The following SLC44A2 variants were observed in gnomAD, a reference collection of about 807,000 sequenced individuals.
SLC44A2 encodes the protein choline transporter-like protein 2.
A neutral mutation model predicts 90.8 loss-of-function variants in SLC44A2; 57 were observed. The ratio of observed to expected loss-of-function variants is 0.63; its 90% CI spans 0.51 to 0.78. The LOEUF (loss-of-function observed/expected upper bound fraction) is 0.78, where lower values mean the gene tolerates loss of function less well. Ranked by LOEUF, SLC44A2 falls within the 30% of genes least tolerant of loss-of-function variation. The pLI, the probability that SLC44A2 is intolerant of heterozygous loss-of-function variation, is 0.00. For missense variants in SLC44A2, 794 were observed against 919.7 expected (o/e 0.86, Z 1.77); for synonymous variants, 355 against 360.7 (o/e 0.98, Z 0.18).
Position 10,643,642 on chromosome 19 carries a change from G to A in SLC44A2, c.*257G>A, listed in dbSNP as rs906018208. ...TAAAAACCCATTGGGGCCTCTTGAT[G>A]TCTGGGATGGCACGTGGCCCGACCT... On this transcript the variant is annotated 3_prime_UTR_variant, in exon 22 of 22. Coordinates refer to ENST00000335757, the MANE Select transcript of SLC44A2 (RefSeq NM_020428.4). 3.0e-6 allele frequency: 1 copy of A among 334,506 alleles called. No homozygotes were observed. The highest frequency in any genetic ancestry group is 5.6e-6 in the Non-Finnish European group (1 of 179,482). 20.7% of individuals were successfully genotyped at this position (334,506 alleles called of 1,614,324 possible). A position where few individuals can be genotyped will look rare whatever the true frequency, so the allele number is the denominator to read the frequency against.
Position 10,628,107 on chromosome 19 carries a change from G to C in SLC44A2, c.245+103G>C. The stretch of plus-strand genomic sequence containing the variant: ...TCCAGTTAACAAGTGCTTATAGGCT[G>C]GGCGCGGTGACTCACGCCCGAAATT... On this transcript the variant is annotated intron_variant, in intron 4 of 21. Transcript: ENST00000335757. 6.4e-6 allele frequency: 7 copies of C among 1,087,300 alleles called. 1 individual carries two copies. In the South Asian group the frequency reaches 9.7e-5, roughly 15 times the overall value. 67.4% of individuals were successfully genotyped at this position (1,087,300 alleles called of 1,614,324 possible).
Position 10,635,661 on chromosome 19 carries a change from G to A in SLC44A2, c.1233+146G>A, listed in dbSNP as rs1347449710. On this transcript the variant is annotated intron_variant, in intron 14 of 21. Transcript: ENST00000335757. ...AGGTGTGGGGGAGGACGCACAGTGG[G>A]GAAGAGACTCTCTAACTGGATCGAA... The A allele has an allele frequency of 5.7e-6, 4 of 703,798 alleles. No homozygotes were observed. The African/African-American group carries it at 7.1e-5, about 13-fold the overall frequency. The allele number at this position is 703,798 out of a possible 1,614,324, so 43.6% of individuals were successfully genotyped here.
intron 1 of SLC44A2, among the ~76,000 whole-genome samples, chr19:10,607,392 C>A (rs1918140602): frequency 6.6e-6 from 1 of 152,034 alleles, no homozygotes; most frequent in African/African-American, 2.4e-5. Context: ...GTCACCCAGG[C>A]TGGGCTAGAG....
Position 10,636,680 on chromosome 19 carries a change from G to A in SLC44A2, c.1515G>A (p.Leu505=). 1 of 1,613,602 alleles carries A rather than the reference G, an allele frequency of 6.2e-7. No individual in the cohort carries two copies. Among genetic ancestry groups the A allele is most frequent in the African/African-American group, 1.3e-5 (1 of 74,930 alleles). The change falls in exon 16 of 22, where the codon CTG becomes CTA. Residue 505 remains leucine (L), a synonymous_variant. Transcript: ENST00000335757. ...GRALRYHTGS[L]AFGALILAIV... is the part of the protein sequence containing the mutation. Reference sequence around the variant, plus strand: ...CCCGCAGGTACCACACAGGCTCCCTGGCCTTTGGCGCGCTCATCCTGGCCA... The same window carrying A: ...CCCGCAGGTACCACACAGGCTCCCTAGCCTTTGGCGCGCTCATCCTGGCCA...
chr19:10,609,591 T>A (rs1042510972), intron 1 of SLC44A2, among the ~76,000 whole-genome samples: 4 of 152,144 alleles, frequency 2.6e-5, no homozygotes, highest in Non-Finnish European at 5.9e-5. Flanking sequence ...AGAGCCACTG[T>A]GCCTGGCGAA....
At position 10,636,712 on chromosome 19, in the gene SLC44A2, A is replaced by G. The variant is rs1328709638; in HGVS notation, c.1547A>G (p.Gln516Arg). Residue 516 changes from glutamine (Q) to arginine (R), a missense_variant, in exon 16 of 22, where the codon CAG (glutamine) becomes CGG (arginine). Gln to Arg is a conservative substitution (Grantham distance 43). Around this residue, in one of 3 missense-constraint regions of SLC44A2, gnomAD observed 738 missense variants for 841.1 expected, o/e 0.88. Coordinates refer to ENST00000335757, the MANE Select transcript of SLC44A2 (RefSeq NM_020428.4). ...AFGALILAIVQIIRVILEYLD... is the reference protein window; with the variant it reads ...AFGALILAIVRIIRVILEYLD... ...GGCGCGCTCATCCTGGCCATTGTGC[A>G]GATCATCCGTGTGATACTCGAGTAC... The G allele has an allele frequency of 1.9e-6, 3 of 1,613,852 alleles. No homozygotes were observed. The highest frequency in any genetic ancestry group is 2.2e-5 in the East Asian group (1 of 44,878).
At chr19:10,616,088 C>G (rs1420299574) in intron 1 of SLC44A2, among the ~76,000 whole-genome samples, 1 of 150,348 alleles carries the variant, frequency 6.7e-6, no homozygotes, top group Non-Finnish European at 1.5e-5. Context: ...TGCAGTGAGC[C>G]AAGATGGTGC....
chr19:10,640,807 C>T (rs978505430), intron 20 of SLC44A2, among the ~76,000 whole-genome samples: 17 of 152,174 alleles, frequency 1.1e-4, no homozygotes, highest in African/African-American at 3.9e-4. Flanking sequence ...CTCTAGAGGC[C>T]GGGCATGGTG....
At chr19:10,603,262 G>A (rs979168358) in intron 1 of SLC44A2, among the ~76,000 whole-genome samples, 4 of 152,210 alleles carry the variant, frequency 2.6e-5, no homozygotes, top group East Asian at 3.9e-4. Context: ...GGCCCAGGAT[G>A]TGGGCTTCTC....
intron 4 of SLC44A2, 108 bp downstream of exon 4, chr19:10,628,112 C>G: frequency 1.0e-6 from 1 of 991,528 alleles, no homozygotes; most frequent in Non-Finnish European, 1.5e-6. Context: ...AGGCTGGGCG[C>G]GGTGACTCAC....
chr19:10,604,892 G>A (rs1474729797), intron 1 of SLC44A2, among the ~76,000 whole-genome samples: 2 of 151,628 alleles, frequency 1.3e-5, no homozygotes, highest in Admixed American at 1.3e-4. Flanking sequence ...ATATCTAAAG[G>A]AAGGCAGCAG....
intron 4 of SLC44A2, 62 bp downstream of exon 4, chr19:10,628,066 TC>T: frequency 7.1e-7 from 1 of 1,413,104 alleles, no homozygotes; most frequent in Non-Finnish European, 9.8e-7. Flanking sequence ...TTCTAGGCAT[TC>T]CCCATCTCTC....
At chr19:10,632,485 G>A (rs62129986) in intron 10 of SLC44A2, among the ~76,000 whole-genome samples, 118,012 of 147,008 alleles carry the variant, frequency 0.8, 47,341 homozygotes, top group African/African-American at 0.84. Flanking sequence ...GTGGTGAGCC[G>A]AAATCACGCC....
intron 15 of SLC44A2, 31 bp downstream of exon 15, chr19:10,636,616 G>T: frequency 6.2e-7 from 1 of 1,606,516 alleles, no homozygotes; most frequent in Non-Finnish European, 8.5e-7. Flanking sequence ...GGATGGGGTG[G>T]AGGACGAGGC....
At chr19:10,642,952 C>T (rs531399212) in intron 21 of SLC44A2, 129 of 1,593,260 alleles carry the variant, frequency 8.1e-5, no homozygotes, top group African/African-American at 1.2e-4. Context: ...TCATGTCGCC[C>T]GAGCTGAGAG....
At chr19:10,606,226 A>T (rs1218561953) in intron 1 of SLC44A2, among the ~76,000 whole-genome samples, 1 of 152,116 alleles carries the variant, frequency 6.6e-6, no homozygotes, top group Non-Finnish European at 1.5e-5. Context: ...TGAGCCCAGG[A>T]GGCAGAGGTT....
chr19:10,614,313 C>T (rs1176349043), intron 1 of SLC44A2, among the ~76,000 whole-genome samples: 1 of 151,998 alleles, frequency 6.6e-6, no homozygotes, highest in Non-Finnish European at 1.5e-5. Context: ...TGTCTTGTTA[C>T]AGCAACGAAA....
At position 10,637,636 on chromosome 19, in the gene SLC44A2, T is replaced by C; in HGVS notation, c.1592-8T>C. On this transcript the variant is annotated splice_polypyrimidine_tract_variant and splice_region_variant and intron_variant, in intron 16 of 21. Coordinates refer to ENST00000335757, the MANE Select transcript of SLC44A2 (RefSeq NM_020428.4). ...CCTCACTTCCACATCCCTTCCCTTC[T>C]CTTCCAGCTGCAGAGAACAAGTTTG... The C allele has an allele frequency of 2.5e-6, 4 of 1,613,678 alleles. No individual in the cohort carries two copies. The highest frequency in any genetic ancestry group is 1.7e-4 in the Middle Eastern group (1 of 6,004).
rs1207543277 is a variant in SLC44A2, at chr19:10,634,959, C to T, written c.956-15C>T. On this transcript the variant is annotated splice_polypyrimidine_tract_variant and intron_variant, in intron 11 of 21. Coordinates refer to ENST00000335757, the MANE Select transcript of SLC44A2 (RefSeq NM_020428.4). ...GAGTGGGGAGCCCAGCCGGCTCAGC[C>T]TTTGCCCTTTGCAGTGATCATTCTG... is the stretch of plus-strand genomic sequence containing the variant. 1.9e-6 allele frequency: 3 copies of T among 1,614,024 alleles called. No individual in the cohort carries two copies. Among genetic ancestry groups the T allele is most frequent in the Admixed American group, 3.3e-5 (2 of 59,998 alleles).
Sources: gnomAD v4.1 joint callset for allele counts (sites outside exome capture counted in the v4.1 genomes callset) on GRCh38, gnomAD v4.1.1 for gene constraint, gnomAD v4.1.1 regional missense constraint, MANE v1.5 for transcripts, NCBI Gene and HGNC (gene_info 2026-07-23, HGNC 2026-07-21) for gene names.